Variants in DLGAP1 observed in about 807,000 individuals in gnomAD.
DLGAP1 encodes the protein DLG associated protein 1.
In DLGAP1, 11 loss-of-function variants were observed where a neutral mutation model predicts 90.8. That is an observed-to-expected ratio of 0.12 (90% CI 0.08 to 0.20). The LOEUF is 0.20. DLGAP1 is among the 10% of genes least tolerant of loss of function. The pLI, the probability that DLGAP1 is intolerant of heterozygous loss-of-function variation, is 1.00. For missense variants in DLGAP1, 1,050 were observed against 1,333.8 expected (o/e 0.79, Z 3.31); for synonymous variants, 558 against 540.7 (o/e 1.03, Z -0.44).
At chr18:4,248,125 C>T (rs192378523) in intron 1 of DLGAP1, among the ~76,000 whole-genome samples, 6 of 152,242 alleles carry the variant, frequency 3.9e-5, no homozygotes, top group East Asian at 1.9e-4. Context: ...GGCCTTCACT[C>T]GGGTCTTCAC....
At chr18:4,364,951 T>C (rs141730223) in intron 1 of DLGAP1, among the ~76,000 whole-genome samples, 3,336 of 152,288 alleles carry the variant, frequency 0.022, 60 homozygotes, top group African/African-American at 0.047. Flanking sequence ...TCAATTTCCA[T>C]GTAATTGTAT....
intron 3 of DLGAP1, among the ~76,000 whole-genome samples, chr18:4,003,480 G>A (rs2149079551): frequency 8.6e-6 from 1 of 116,860 alleles, no homozygotes; most frequent in East Asian, 2.6e-4. Context: ...TATCTTGAAA[G>A]CATTTGTTGT....
chr18:4,041,127 C>T (rs372162474), intron 2 of DLGAP1, among the ~76,000 whole-genome samples: 6 of 152,308 alleles, frequency 3.9e-5, no homozygotes, highest in Middle Eastern at 3.4e-3. Context: ...GGTGCCATTA[C>T]TTTTAATGGC....
At chr18:4,280,450 T>C (rs1378600896) in intron 1 of DLGAP1, among the ~76,000 whole-genome samples, 1 of 152,148 alleles carries the variant, frequency 6.6e-6, no homozygotes, top group African/African-American at 2.4e-5. Flanking sequence ...CCACAACTAG[T>C]ATAGTGCTGA....
At chr18:3,751,958 A>C (rs1392836575) in intron 5 of DLGAP1, among the ~76,000 whole-genome samples, 2 of 148,718 alleles carry the variant, frequency 1.3e-5, no homozygotes, top group African/African-American at 5.0e-5. Context: ...ATCTTGGCTC[A>C]CTGCAACCTC....
chr18:4,058,273 C>A (rs2075250683), intron 2 of DLGAP1, among the ~76,000 whole-genome samples: 1 of 152,224 alleles, frequency 6.6e-6, no homozygotes, highest in Non-Finnish European at 1.5e-5. Flanking sequence ...TAAAGACACA[C>A]TCCCTGTTAT....
rs59444096 is a variant in DLGAP1 at position 4,178,202 on chromosome 18, A to AACACACAC, written c.-266-26923_-266-26916dup. Among the ~76,000 whole-genome samples the AACACACAC allele has an allele frequency of 8.1e-3, 954 of 118,454 alleles. 10 individuals are homozygous for AACACACAC. The highest frequency in any genetic ancestry group is 0.016 in the African/African-American group (485 of 30,608). 77.7% of individuals were successfully genotyped at this position (118,454 alleles called of 152,430 possible). Reference sequence around the variant, plus strand: ...TAGAAATCCTACGGGTCCTGGAATAAACACACACACACACACACACACACA... The same window carrying AACACACAC: ...TAGAAATCCTACGGGTCCTGGAATAAACACACACACACACACACACACACACACACACA... On this transcript the variant is annotated intron_variant, in intron 1 of 12. Coordinates refer to ENST00000315677, the MANE Select transcript of DLGAP1 (RefSeq NM_004746.4).
At chr18:4,425,957 C>G (rs546141188) in intron 1 of DLGAP1, among the ~76,000 whole-genome samples, 90 of 152,278 alleles carry the variant, frequency 5.9e-4, no homozygotes, top group African/African-American at 2.0e-3. Flanking sequence ...ACATCCTCTT[C>G]TAACAGCCAA....
chr18:3,807,784 T>A (rs1024765122), intron 5 of DLGAP1, among the ~76,000 whole-genome samples: 13 of 152,206 alleles, frequency 8.5e-5, no homozygotes, highest in Non-Finnish European at 1.5e-4. Context: ...AAATGTCTCA[T>A]TCCTTCTCTC....
intron 3 of DLGAP1, chr18:3,983,550 A>G (rs8096260): frequency 6.6e-6 from 1 of 151,976 alleles, no homozygotes; most frequent in Non-Finnish European, 1.5e-5. Context: ...CCGCTACTTG[A>G]GACATCATTA....
At chr18:4,266,838 A>G (rs80125191) in intron 1 of DLGAP1, among the ~76,000 whole-genome samples, 3,878 of 152,336 alleles carry the variant, frequency 0.025, 100 homozygotes, top group African/African-American at 0.063. Flanking sequence ...AAATCAGCAT[A>G]TGGGCTATAT....
chr18:3,605,033 T>A (rs2052822075), intron 7 of DLGAP1, among the ~76,000 whole-genome samples: 1 of 152,222 alleles, frequency 6.6e-6, no homozygotes, highest in South Asian at 2.1e-4. Flanking sequence ...CAAACTATTG[T>A]GTACACTTAG....
chr18:3,602,362 G>A (rs986006076), intron 7 of DLGAP1, among the ~76,000 whole-genome samples: 3 of 152,144 alleles, frequency 2.0e-5, no homozygotes, highest in Admixed American at 6.5e-5. Flanking sequence ...TTGGGAGGCC[G>A]AGGCGGGCGG....
intron 7 of DLGAP1, among the ~76,000 whole-genome samples, chr18:3,714,557 G>T (rs79957712): frequency 1.5e-3 from 220 of 151,650 alleles, no homozygotes; most frequent in African/African-American, 4.0e-3. Flanking sequence ...TCATCATCTT[G>T]GGTTGAAAGC....
chr18:4,095,982 A>C (rs2075671460), intron 2 of DLGAP1, among the ~76,000 whole-genome samples: 1 of 152,150 alleles, frequency 6.6e-6, no homozygotes, highest in African/African-American at 2.4e-5. Context: ...GCCTGAGATG[A>C]TGATGATTAT....
intron 3 of DLGAP1, chr18:3,983,974 C>G (rs1465572481): frequency 6.6e-6 from 1 of 151,998 alleles, no homozygotes; most frequent in Non-Finnish European, 1.5e-5. Flanking sequence ...GCACAGAGAG[C>G]CTATCTGGTC....
intron 3 of DLGAP1, among the ~76,000 whole-genome samples, chr18:3,991,597 C>A (rs999905316): frequency 6.6e-6 from 1 of 152,202 alleles, no homozygotes; most frequent in Non-Finnish European, 1.5e-5. Context: ...CCTGAAGAAT[C>A]ACAGAGATAC....
intron 2 of DLGAP1, among the ~76,000 whole-genome samples, chr18:4,031,868 G>A (rs1020041561): frequency 6.6e-6 from 1 of 152,124 alleles, no homozygotes; most frequent in Non-Finnish European, 1.5e-5. Context: ...GAGCAACTTT[G>A]AAAAATCATA....
At chr18:3,822,328 G>T (rs1003327038) in intron 4 of DLGAP1, among the ~76,000 whole-genome samples, 2 of 152,116 alleles carry the variant, frequency 1.3e-5, no homozygotes, top group African/African-American at 4.8e-5. Flanking sequence ...GATACATACG[G>T]TAATTTGCTT....
Sources: gnomAD v4.1 joint callset for allele counts (sites outside exome capture counted in the v4.1 genomes callset) on GRCh38, gnomAD v4.1.1 for gene constraint, MANE v1.5 for transcripts, NCBI Gene and HGNC (gene_info 2026-07-23, HGNC 2026-07-21) for gene names.